The following TBL3 variants were observed in gnomAD, a reference collection of about 807,000 sequenced individuals.
TBL3 encodes transducin beta like 3, also known as transducin beta-like protein 3.
A neutral mutation model predicts 102.7 loss-of-function variants in TBL3; 71 were observed. The ratio of observed to expected loss-of-function variants is 0.69; its 90% CI spans 0.57 to 0.84. The LOEUF (loss-of-function observed/expected upper bound fraction) is 0.84, where lower values mean the gene tolerates loss of function less well. Among genes scored for constraint, TBL3 ranks in the 40% least tolerant of loss-of-function variants. The pLI is 0.00. For missense variants in TBL3, 1,188 were observed against 1,098.5 expected (o/e 1.08, Z -1.15); for synonymous variants, 578 against 477.7 (o/e 1.21, Z -2.74).
Position 1,981,079 on chromosome 16 carries a change from C to A in TBL3, c.*2394C>A. The A allele has an allele frequency of 6.2e-7, 1 of 1,610,774 alleles. No individual in the cohort carries two copies. The highest frequency in any genetic ancestry group is 8.5e-7 in the Non-Finnish European group (1 of 1,177,572). Reference sequence around the variant, plus strand: ...GCTGGTCCAGGCACCCCCTTCCTATCCCTTGGGGCCACTAAGGACCCAGCC... The same window carrying A: ...GCTGGTCCAGGCACCCCCTTCCTATACCTTGGGGCCACTAAGGACCCAGCC... On this transcript the variant is annotated 3_prime_UTR_variant, in exon 22 of 22. Transcript: ENST00000568546.
At position 1,977,791 on chromosome 16, in the gene TBL3, A is replaced by G; in HGVS notation, c.1949A>G (p.Gln650Arg). 1 of 1,556,364 alleles carries G rather than the reference A, an allele frequency of 6.4e-7. No individual in the cohort carries two copies. The highest frequency in any genetic ancestry group is 8.7e-7 in the Non-Finnish European group (1 of 1,149,606). Residue 650 changes from glutamine to arginine, a missense_variant, in exon 18 of 22, where the codon CAG (glutamine) becomes CGG (arginine). Transcript: ENST00000568546. ...GAGGAGCAGGCCAGGCAAGAGGAGC[A>G]GGTGGTCAGGTAAGGCCAGGGCAGT... is the stretch of plus-strand genomic sequence containing the variant. Reference protein sequence around the residue: ...QAEEQARQEEQVVRQQELDNL... With the variant: ...QAEEQARQEERVVRQQELDNL...
intron 1 of TBL3, 52 bp from the exon 2 acceptor site, chr16:1,974,004 C>T (rs1436768770): frequency 2.0e-6 from 3 of 1,496,124 alleles, no homozygotes; most frequent in Non-Finnish European, 2.7e-6. Context: ...GGGCGGGGCC[C>T]TGGGGACTGA....
chr16:1,974,835 C>G lies in TBL3; in HGVS notation c.452C>G (p.Pro151Arg). The G allele has an allele frequency of 6.2e-7, 1 of 1,613,230 alleles. No individual in the cohort carries two copies. Among genetic ancestry groups the G allele is most frequent in the Non-Finnish European group, 8.5e-7 (1 of 1,179,970 alleles). Residue 151 changes from proline to arginine, a missense_variant, in exon 6 of 22, where the codon CCC becomes CGC. Pro to Arg is a moderately radical substitution (Grantham distance 103, BLOSUM62 -2). Transcript: ENST00000568546. ...HYGTHHFRGS[P>R]GVVHLVAFHP... is the part of the protein sequence containing the mutation. ...GGGACACACCACTTCCGAGGCTCGC[C>G]CGGTGTCGTGCAGTGAGTTGGAAGG...
At position 1,975,403 on chromosome 16, in the gene TBL3, C is replaced by T. The variant is rs754478385; in HGVS notation, c.770C>T (p.Ser257Phe). 6.2e-7 allele frequency: 1 copy of T among 1,613,936 alleles called. No homozygotes were observed. The highest frequency in any genetic ancestry group is 8.5e-7 in the Non-Finnish European group (1 of 1,179,992). ...EEPVSQLGVKSPGLYFLTAGD... is the reference protein window; with the variant it reads ...EEPVSQLGVKFPGLYFLTAGD... ...CCAGTGTCCCAGCTGGGTGTGAAGT[C>T]CCCAGGGCTGTACTTTCTGACAGCT... The change falls in exon 9 of 22, where the codon TCC becomes TTC. Residue 257 changes from serine (S) to phenylalanine (F), a missense_variant. Physicochemically the swap from Ser to Phe is radical, Grantham distance 155. Coordinates refer to ENST00000568546, the MANE Select transcript of TBL3 (RefSeq NM_006453.3).
chr16:1,978,517 G>T (rs1201962200), intron 21 of TBL3, 35 bp from the exon 22 acceptor site: 9 of 1,590,492 alleles, frequency 5.7e-6, no homozygotes, highest in Non-Finnish European at 6.9e-6. Flanking sequence ...TGGGCGTGTG[G>T]ACCACCCCCC....
chr16:1,976,089 G>T lies in TBL3; in HGVS notation c.1163G>T (p.Gly388Val). Residue 388 changes from glycine to valine, a missense_variant, in exon 12 of 22, where the codon GGG becomes GTG. Physicochemically the swap from Gly to Val is moderately radical, Grantham distance 109. Coordinates refer to ENST00000568546, the MANE Select transcript of TBL3 (RefSeq NM_006453.3). ...IVLALDVFRK[G>V]WLFASCAKDQ... is the part of the protein sequence containing the mutation. ...CTGGCCCTGGATGTGTTCCGGAAGG[G>T]GTGGCTCTTTGCCAGCTGTGCCAAG... 1 of 1,614,176 alleles carries T rather than the reference G, an allele frequency of 6.2e-7. No homozygotes were observed. Among genetic ancestry groups the T allele is most frequent in the Non-Finnish European group, 8.5e-7 (1 of 1,180,042 alleles).
intron 11 of TBL3, 41 bp downstream of exon 11, chr16:1,975,990 C>G: frequency 6.2e-7 from 1 of 1,614,096 alleles, no homozygotes. Context: ...GGAGCCGCCT[C>G]GGTCCCTTGC....
At position 1,980,975 on chromosome 16, in the gene TBL3, G is replaced by A; in HGVS notation, c.*2290G>A. The A allele has an allele frequency of 6.2e-7, 1 of 1,613,192 alleles. No individual in the cohort carries two copies. Among genetic ancestry groups the A allele is most frequent in the African/African-American group, 1.3e-5 (1 of 75,060 alleles). ...TGAATTCGTCCCAACTCCTGCGCAC[G>A]AAGGTGTCGCTGCCGTCTGACCAGC... On this transcript the variant is annotated 3_prime_UTR_variant, in exon 22 of 22. Transcript: ENST00000568546.
rs1567332149 is a variant in TBL3 at position 1,980,811 on chromosome 16, C to T, written c.*2126C>T. 3.3e-6 allele frequency: 5 copies of T among 1,494,488 alleles called. No individual in the cohort carries two copies. Among genetic ancestry groups the T allele is most frequent in the African/African-American group, 2.8e-5 (2 of 72,176 alleles). The allele number at this position is 1,494,488 out of a possible 1,614,324, so 92.6% of individuals were successfully genotyped here. On this transcript the variant is annotated 3_prime_UTR_variant, in exon 22 of 22. Coordinates refer to ENST00000568546, the MANE Select transcript of TBL3 (RefSeq NM_006453.3). Reference sequence around the variant, plus strand: ...AGGGCGGGGTCCCTCACCCGGATGGCAGGGGCTGGGAGCTTCAGCAGGGAC... The same window carrying T: ...AGGGCGGGGTCCCTCACCCGGATGGTAGGGGCTGGGAGCTTCAGCAGGGAC...
chr16:1,974,120 G>A lies in TBL3; in HGVS notation c.93+13G>A. ...CGGAAAAGCACAGGTACCAGCCTGG[G>A]GAAGGGCAGTGGGGCGGGCAGCCAG... On this transcript the variant is annotated intron_variant, in intron 2 of 21. Coordinates refer to ENST00000568546, the MANE Select transcript of TBL3 (RefSeq NM_006453.3). The A allele has an allele frequency of 6.3e-7, 1 of 1,584,948 alleles. No individual in the cohort carries two copies. The highest frequency in any genetic ancestry group is 8.6e-7 in the Non-Finnish European group (1 of 1,160,574).
In TBL3 at chr16:1,974,929, C is replaced by A. The variant is rs2083387734; in HGVS notation, c.466C>A (p.Leu156Ile). The change falls in exon 7 of 22, where the codon CTA (leucine) becomes ATA (isoleucine). Residue 156 changes from leucine (L) to isoleucine (I), a missense_variant and splice_region_variant. Coordinates refer to ENST00000568546, the MANE Select transcript of TBL3 (RefSeq NM_006453.3). ...HFRGSPGVVHLVAFHPDPTRL... is the reference protein window; with the variant it reads ...HFRGSPGVVHIVAFHPDPTRL... ...CCATCCTGTCCCGTCCGCCCACAGCCTAGTGGCCTTCCACCCGGACCCTAC... is the reference window on the plus strand; with the variant it reads ...CCATCCTGTCCCGTCCGCCCACAGCATAGTGGCCTTCCACCCGGACCCTAC... 3 of 1,611,886 alleles carry A rather than the reference C, an allele frequency of 1.9e-6. No individual in the cohort carries two copies. The highest frequency in any genetic ancestry group is 8.5e-7 in the Non-Finnish European group (1 of 1,179,922).
In TBL3 at chr16:1,979,025, T is replaced by A. The variant is rs1161939997; in HGVS notation, c.*340T>A. 2.6e-6 allele frequency: 4 copies of A among 1,528,988 alleles called. No individual in the cohort carries two copies. The African/African-American group carries it at 4.1e-5, about 16-fold the overall frequency. 94.7% of individuals were successfully genotyped at this position (1,528,988 alleles called of 1,614,324 possible). On this transcript the variant is annotated 3_prime_UTR_variant, in exon 22 of 22. Transcript: ENST00000568546. ...CCTCCCCAGCCCTGGGATGGCGCGG[T>A]CCATCCCCTCATCGGGATCCTCGCG...
rs777368563 is a variant in TBL3 at position 1,974,360 on chromosome 16, C to T, written c.190-16C>T. 1.2e-6 allele frequency: 2 copies of T among 1,605,428 alleles called. No individual in the cohort carries two copies. Among genetic ancestry groups the T allele is most frequent in the Admixed American group, 3.4e-5 (2 of 59,304 alleles). The stretch of plus-strand genomic sequence containing the variant: ...GCCCACTCACACCGTGCTCGGCACA[C>T]CACTCTTTCTCCTAGGAGGACCAGG... On this transcript the variant is annotated splice_polypyrimidine_tract_variant and intron_variant, in intron 3 of 21. Coordinates refer to ENST00000568546, the MANE Select transcript of TBL3 (RefSeq NM_006453.3).
Position 1,978,744 on chromosome 16 carries a change from T to C in TBL3, c.*59T>C. The C allele has an allele frequency of 1.3e-6, 2 of 1,569,744 alleles. No homozygotes were observed. Among genetic ancestry groups the C allele is most frequent in the Non-Finnish European group, 1.7e-6 (2 of 1,152,424 alleles). ...CCTGGAAAACCCATAAAGGCCGCTC[T>C]CCTGGCCGGCTCTGTCTCTCTGGAC... is the stretch of plus-strand genomic sequence containing the variant. On this transcript the variant is annotated 3_prime_UTR_variant, in exon 22 of 22. Transcript: ENST00000568546.
chr16:1,978,340 G>A lies in TBL3; in HGVS notation c.2162G>A (p.Trp721Ter), dbSNP rs1223774509. 6.2e-7 allele frequency: 1 copy of A among 1,610,692 alleles called. No homozygotes were observed. Among genetic ancestry groups the A allele is most frequent in the African/African-American group, 1.3e-5 (1 of 74,920 alleles). Residue 721 changes from tryptophan to a stop codon, truncating the protein, a stop_gained, in exon 21 of 22, where the codon TGG becomes TAG. Transcript: ENST00000568546. LOFTEE classifies it high-confidence loss of function. ...GCCCTGCTGCGCTTCTGCGTCACGT[G>A]GAACACCAACTCGCGGCACTGCCAC... is the stretch of plus-strand genomic sequence containing the variant. ...KEALLRFCVT[W>*]NTNSRHCHEA...
chr16:1,979,039 G>C lies in TBL3; in HGVS notation c.*354G>C, dbSNP rs761276265. The C allele has an allele frequency of 5.8e-6, 9 of 1,541,106 alleles. No homozygotes were observed. The highest frequency in any genetic ancestry group is 1.4e-5 in the African/African-American group (1 of 72,808). On this transcript the variant is annotated 3_prime_UTR_variant, in exon 22 of 22. Coordinates refer to ENST00000568546, the MANE Select transcript of TBL3 (RefSeq NM_006453.3). ...GGATGGCGCGGTCCATCCCCTCATC[G>C]GGATCCTCGCGCTCACTGCTCCGTC...
Position 1,980,469 on chromosome 16 carries a change from C to G in TBL3, c.*1784C>G, listed in dbSNP as rs369555569. On this transcript the variant is annotated 3_prime_UTR_variant, in exon 22 of 22. Transcript: ENST00000568546. Reference sequence around the variant, plus strand: ...GCGCTCTGCAGTCGCCAGCAGCCTCCGAGAATAGGTTTCCAACAGCTGCAG... The same window carrying G: ...GCGCTCTGCAGTCGCCAGCAGCCTCGGAGAATAGGTTTCCAACAGCTGCAG... The G allele has an allele frequency of 3.1e-6, 5 of 1,602,090 alleles. No homozygotes were observed. The African/African-American group carries it at 6.7e-5, about 21-fold the overall frequency.
At position 1,981,821 on chromosome 16, in the gene TBL3, G is replaced by A. The variant is rs2083514976; in HGVS notation, c.*3136G>A. 1 of 152,684 alleles carries A rather than the reference G, an allele frequency of 6.5e-6. No homozygotes were observed. Among genetic ancestry groups the A allele is most frequent in the African/African-American group, 2.4e-5 (1 of 41,444 alleles). The allele number at this position is 152,684 out of a possible 1,614,324, so 9.5% of individuals were successfully genotyped here. Reference sequence around the variant, plus strand: ...GAGCTGTTCTATACATGCTGGGGGAGGGGCAGACCTCACAGGCTCACCCCA... The same window carrying A: ...GAGCTGTTCTATACATGCTGGGGGAAGGGCAGACCTCACAGGCTCACCCCA... On this transcript the variant is annotated 3_prime_UTR_variant, in exon 22 of 22. Transcript: ENST00000568546.
rs1436100717 is a variant in TBL3 at position 1,974,581 on chromosome 16, C to T, written c.281C>T (p.Ala94Val). The change falls in exon 5 of 22, where the codon GCC becomes GTC. Residue 94 changes from alanine to valine, a missense_variant. Physicochemically the swap from Ala to Val is moderately conservative, Grantham distance 64 (BLOSUM62 0). Transcript: ENST00000568546. ...CGGGCATTGCTGCTGGCTCAGTGGG[C>T]CTGGCAAGAGGGCAGCGTTACCCGC... ...ASRALLLAQW[A>V]WQEGSVTRLW... The T allele has an allele frequency of 1.9e-6, 3 of 1,611,006 alleles. No individual in the cohort carries two copies. Among genetic ancestry groups the T allele is most frequent in the Non-Finnish European group, 1.7e-6 (2 of 1,178,366 alleles).
Sources: gnomAD v4.1 joint callset for allele counts on GRCh38, gnomAD v4.1.1 for gene constraint, MANE v1.5 for transcripts, NCBI Gene and HGNC (gene_info 2026-07-23, HGNC 2026-07-21) for gene names.